Variants in FAM217A observed in about 807,000 individuals in gnomAD.
The protein encoded by FAM217A is protein FAM217A.
Under a neutral mutation model 18.5 loss-of-function variants are expected in FAM217A, and 13 were observed. The observed-to-expected ratio is 0.70, with a 90% CI of 0.46 to 1.12. The LOEUF (loss-of-function observed/expected upper bound fraction) is 1.12, where lower values mean the gene tolerates loss of function less well. FAM217A is among the 50% of genes most tolerant of loss of function. FAM217A has a pLI of 0.00. For synonymous variants in FAM217A, 161 were observed against 202.8 expected, an observed-to-expected ratio of 0.79 and a Z score of 1.75; for missense variants, 560 against 575.4, an observed-to-expected ratio of 0.97 and a Z score of 0.27.
At chr6:4,083,317 A>G (rs998053033), upstream of FAM217A, among the ~76,000 whole-genome samples, 34 of 152,340 alleles carry the variant, frequency 2.2e-4, 1 homozygote, top group African/African-American at 7.0e-4. Flanking sequence ...ACCTTGAGAT[A>G]ACATTCCTTT....
chr6:4,086,610 G>A (rs907812439), intron 1 of FAM217A, among the ~76,000 whole-genome samples: 15 of 152,082 alleles, frequency 9.9e-5, no homozygotes, highest in African/African-American at 3.4e-4. Flanking sequence ...GCTAGCCCAC[G>A]CTCCCAGATT....
intron 4 of FAM217A, among the ~76,000 whole-genome samples, chr6:4,073,760 T>C (rs536811807): frequency 6.6e-6 from 1 of 152,228 alleles, no homozygotes; most frequent in Non-Finnish European, 1.5e-5. Flanking sequence ...TGCAGTGAAA[T>C]GTTTTATGTT....
upstream of FAM217A, among the ~76,000 whole-genome samples, chr6:4,081,628 A>G (rs373479012): frequency 1.4e-4 from 22 of 152,358 alleles, no homozygotes; most frequent in East Asian, 3.9e-3. Flanking sequence ...TTCCTATTTT[A>G]TAATTGAGTA....
chr6:4,081,892 T>C (rs1465688020), upstream of FAM217A, among the ~76,000 whole-genome samples: 1 of 152,242 alleles, frequency 6.6e-6, no homozygotes, highest in Non-Finnish European at 1.5e-5. Context: ...TGTTCATGCC[T>C]TTTTCTGTTA....
intron 6 of FAM217A, among the ~76,000 whole-genome samples, chr6:4,071,859 A>G (rs1381965314): frequency 3.3e-5 from 5 of 151,854 alleles, no homozygotes; most frequent in Non-Finnish European, 7.4e-5. Context: ...CAAGTGAACC[A>G]CTCTCCTGCT....
intron 1 of FAM217A, 143 bp downstream of exon 1, chr6:4,078,709 C>T: frequency 2.5e-6 from 1 of 397,014 alleles, no homozygotes; most frequent in Non-Finnish European, 4.5e-6. Flanking sequence ...CTTGAAGGCG[C>T]GTGTCTCAAG....
upstream of FAM217A, among the ~76,000 whole-genome samples, chr6:4,079,885 T>TA (rs1190195765): frequency 2.0e-5 from 3 of 151,890 alleles, no homozygotes; most frequent in African/African-American, 4.9e-5. Flanking sequence ...AGGATACATG[T>TA]AAATCACACA....
At chr6:4,086,547 A>G (rs760731227) in intron 1 of FAM217A, among the ~76,000 whole-genome samples, 1 of 151,984 alleles carries the variant, frequency 6.6e-6, no homozygotes, top group South Asian at 2.1e-4. Context: ...ATCATATGGT[A>G]TAATCATGAT....
chr6:4,071,586 C>T (rs1404682498), intron 6 of FAM217A, among the ~76,000 whole-genome samples: 2 of 152,142 alleles, frequency 1.3e-5, no homozygotes, highest in African/African-American at 4.8e-5. Context: ...TGCATTCTAC[C>T]GCCTCCATTT....
chr6:4,069,882 A>ACATTAAAGCCAGTTTC lies in FAM217A; in HGVS notation c.325_340dup (p.Val114GlyfsTer5). 3 of 1,598,574 alleles carry ACATTAAAGCCAGTTTC rather than the reference A, an allele frequency of 1.9e-6. No individual in the cohort carries two copies. Among genetic ancestry groups the ACATTAAAGCCAGTTTC allele is most frequent in the Non-Finnish European group, 2.6e-6 (3 of 1,173,484 alleles). ...GAAGACCCTTATAGGATGATTGATT[A>ACATTAAAGCCAGTTTC]CATTAAAGCCAGTTTCCACTGAAGA... is the stretch of plus-strand genomic sequence containing the variant. On this transcript the variant is annotated stop_gained and frameshift_variant, in exon 7 of 7. Transcript: ENST00000274673. LOFTEE classifies it low-confidence loss of function (END_TRUNC).
chr6:4,084,237 G>T (rs987062951), intron 2 of FAM217A, among the ~76,000 whole-genome samples: 1 of 152,098 alleles, frequency 6.6e-6, no homozygotes, highest in Admixed American at 6.5e-5. Flanking sequence ...TGTCCTATTT[G>T]GGAGGCCATT....
rs770152696 is a variant in FAM217A, at chr6:4,069,582, G to A, written c.641C>T (p.Thr214Ile). 1.4e-5 allele frequency: 22 copies of A among 1,613,940 alleles called. No homozygotes were observed. Among genetic ancestry groups the A allele is most frequent in the Non-Finnish European group, 1.3e-5 (15 of 1,180,002 alleles). Reference protein sequence around the residue: ...DLSENEKTNDTLLSYFKKVDL... With the variant: ...DLSENEKTNDILLSYFKKVDL... ...CACCTTTTTAAAATAGCTGAGTAAA[G>A]TATCATTTGTCTTCTCATTTTCTGA... Residue 214 changes from threonine (T) to isoleucine (I), a missense_variant, in exon 7 of 7, where the codon ACT (threonine) becomes ATT (isoleucine). Physicochemically the swap from Thr to Ile is moderately conservative, Grantham distance 89 (BLOSUM62 -1). Coordinates refer to ENST00000274673, the MANE Select transcript of FAM217A (RefSeq NM_173563.3).
At chr6:4,083,847 C>T (rs1770470027), upstream of FAM217A, among the ~76,000 whole-genome samples, 1 of 152,138 alleles carries the variant, frequency 6.6e-6, no homozygotes. Flanking sequence ...AGCCACTGTG[C>T]CCCAGCCTAC....
intron 6 of FAM217A, among the ~76,000 whole-genome samples, chr6:4,070,480 T>C (rs1026418470): frequency 2.0e-5 from 3 of 152,192 alleles, no homozygotes; most frequent in Non-Finnish European, 4.4e-5. Context: ...AATTTTCATA[T>C]AATGATGCTC....
At chr6:4,085,312 ATAT>A (rs1276110877) in intron 1 of FAM217A, among the ~76,000 whole-genome samples, 2 of 66,512 alleles carry the variant, frequency 3.0e-5, no homozygotes, top group Non-Finnish European at 5.8e-5. Context: ...GTAAAAAAAA[ATAT>A]ATATATATAT....
At chr6:4,082,158 C>T (rs1201188241), upstream of FAM217A, among the ~76,000 whole-genome samples, 1 of 152,080 alleles carries the variant, frequency 6.6e-6, no homozygotes, top group East Asian at 1.9e-4. Context: ...AATATGAAAG[C>T]GACAACTTGG....
chr6:4,068,878 G>C lies in FAM217A; in HGVS notation c.1345C>G (p.Leu449Val). The stretch of plus-strand genomic sequence containing the variant: ...TCCTTCTGATTTTCGGGAAAAGTCA[G>C]AGGTATAGGTGAAACTGGCATTGGA... The part of the protein sequence containing the change: ...RSPMPVSPIP[L>V]TFPENQKEEI... Residue 449 changes from leucine to valine, a missense_variant, in exon 7 of 7, where the codon CTG (leucine) becomes GTG (valine). By Grantham distance (32) the Leu-to-Val change is conservative. Coordinates refer to ENST00000274673, the MANE Select transcript of FAM217A (RefSeq NM_173563.3). The C allele has an allele frequency of 6.2e-7, 1 of 1,614,158 alleles. No individual in the cohort carries two copies. Among genetic ancestry groups the C allele is most frequent in the Non-Finnish European group, 8.5e-7 (1 of 1,180,014 alleles).
chr6:4,076,619 C>CTT lies in FAM217A; in HGVS notation c.60+735_60+736insAA, dbSNP rs1304523138. 2.7e-3 allele frequency among the ~76,000 whole-genome samples: 404 copies of CTT among 152,324 alleles called. 1 individual carries two copies. The highest frequency in any genetic ancestry group is 9.3e-3 in the African/African-American group (387 of 41,576). ...CCAGGCCAGGCATGGTAGCTCACACCTGTAATCCCAGCACTTTGGAAAGCC... is the reference window on the plus strand; with the variant it reads ...CCAGGCCAGGCATGGTAGCTCACACCTTTGTAATCCCAGCACTTTGGAAAGCC... On this transcript the variant is annotated intron_variant, in intron 2 of 6. Transcript: ENST00000274673.
upstream of FAM217A, among the ~76,000 whole-genome samples, chr6:4,081,605 C>T (rs191023567): frequency 6.6e-6 from 1 of 152,260 alleles, no homozygotes; most frequent in Non-Finnish European, 1.5e-5. Flanking sequence ...AGTCTCTGAG[C>T]TCAGCCTAGT....
Sources: allele counts gnomAD v4.1 joint callset (sites outside exome capture counted in the v4.1 genomes callset), GRCh38; gene constraint gnomAD v4.1.1; transcripts MANE v1.5; gene names NCBI Gene and HGNC (gene_info 2026-07-23, HGNC 2026-07-21).